The following ABTB2 variants were observed in gnomAD, a reference collection of about 807,000 sequenced individuals.
ABTB2 encodes the protein ankyrin repeat and BTB domain containing 2, also known as ankyrin repeat and BTB/POZ domain-containing protein 2.
A neutral mutation model predicts 104.1 loss-of-function variants in ABTB2; 56 were observed. The observed-to-expected ratio is 0.54, with a 90% CI of 0.43 to 0.67. The LOEUF (loss-of-function observed/expected upper bound fraction) is 0.67. Among genes scored for constraint, ABTB2 ranks in the 30% least tolerant of loss-of-function variants. The probability of loss-of-function intolerance (pLI) is 0.00; values close to 1 mark genes in which losing one functional copy is unlikely to be tolerated. For missense variants in ABTB2, 1,279 were observed against 1,407.7 expected, an observed-to-expected ratio of 0.91 and a Z score of 1.46; for synonymous variants, 606 against 608.2, an observed-to-expected ratio of 1.00 and a Z score of 0.05.
intron 1 of ABTB2, among the ~76,000 whole-genome samples, chr11:34,353,151 C>T (rs1855419938): frequency 6.6e-6 from 1 of 152,208 alleles, no homozygotes; most frequent in Admixed American, 6.5e-5. Context: ...TGCATGTTAC[C>T]ACTAGGATAG....
rs891797715 is a variant in ABTB2 at position 34,335,761 on chromosome 11, C to A, written c.883+20940G>T. On this transcript the variant is annotated intron_variant, in intron 1 of 16. Transcript: ENST00000435224. ...CTGTGAAGCAGTCCCATTGAGGTGA[C>A]AATCAAAACCTATGATCCCAGGAAG... 1.7e-5 allele frequency: 23 copies of A among 1,385,790 alleles called. No individual in the cohort carries two copies. In the South Asian group the frequency reaches 2.6e-4, roughly 15 times the overall value. 85.8% of individuals were successfully genotyped at this position (1,385,790 alleles called of 1,614,324 possible).
intron 1 of ABTB2, among the ~76,000 whole-genome samples, chr11:34,246,176 A>G (rs1853981164): frequency 6.6e-6 from 1 of 152,222 alleles, no homozygotes; most frequent in African/African-American, 2.4e-5. Context: ...TGCTGAACAA[A>G]AAAGTAACAA....
intron 1 of ABTB2, among the ~76,000 whole-genome samples, chr11:34,303,466 C>T (rs1854732083): frequency 6.6e-6 from 1 of 152,160 alleles, no homozygotes; most frequent in African/African-American, 2.4e-5. Flanking sequence ...GTAGAGGTTT[C>T]CACCCACAGG....
chr11:34,311,797 C>G (rs961764602), intron 1 of ABTB2, among the ~76,000 whole-genome samples: 20 of 152,156 alleles, frequency 1.3e-4, no homozygotes, highest in African/African-American at 4.8e-4. Flanking sequence ...AGTGAGCAAT[C>G]AACTACTACT....
At chr11:34,287,869 C>T (rs1214705416) in intron 1 of ABTB2, among the ~76,000 whole-genome samples, 1 of 152,050 alleles carries the variant, frequency 6.6e-6, no homozygotes, top group Non-Finnish European at 1.5e-5. Context: ...GTCTCCACTC[C>T]CCCAGAAAAG....
At chr11:34,338,470 G>T (rs1855220067) in intron 1 of ABTB2, among the ~76,000 whole-genome samples, 1 of 151,548 alleles carries the variant, frequency 6.6e-6, no homozygotes, top group Non-Finnish European at 1.5e-5. Flanking sequence ...GTCGAGGTGG[G>T]TAGATCACTT....
At chr11:34,262,786 C>T (rs530800898) in intron 1 of ABTB2, among the ~76,000 whole-genome samples, 261 of 152,326 alleles carry the variant, frequency 1.7e-3, no homozygotes, top group African/African-American at 6.0e-3. Context: ...CAGGTCAACA[C>T]CATCCTACTT....
At chr11:34,313,831 G>A (rs2133106635) in intron 1 of ABTB2, among the ~76,000 whole-genome samples, 1 of 152,304 alleles carries the variant, frequency 6.6e-6, no homozygotes. Flanking sequence ...ATTATTACTA[G>A]TATTTCTTAC....
In ABTB2 at chr11:34,274,191, T is replaced by C. The variant is rs1388631150; in HGVS notation, c.884-69501A>G. Among the ~76,000 whole-genome samples the C allele has an allele frequency of 4.6e-5, 6 of 130,538 alleles. No homozygotes were observed. In the South Asian group the frequency reaches 1.4e-3, roughly 31 times the overall value. 85.6% of individuals were successfully genotyped at this position (130,538 alleles called of 152,430 possible). On this transcript the variant is annotated intron_variant, in intron 1 of 16. Coordinates refer to ENST00000435224, the MANE Select transcript of ABTB2 (RefSeq NM_145804.3). ...AAAAAAAAAAAAAAAAAAAAAAAGA[T>C]ATTTAACTATGATAACAGCTACCAG...
chr11:34,334,200 C>T (rs1446768704), intron 1 of ABTB2, among the ~76,000 whole-genome samples: 1 of 152,146 alleles, frequency 6.6e-6, no homozygotes, highest in Non-Finnish European at 1.5e-5. Context: ...AAAGCCTTTA[C>T]ATCTGGCACA....
Position 34,229,211 on chromosome 11 carries a change from G to A in ABTB2, c.884-24521C>T, listed in dbSNP as rs546227053. On this transcript the variant is annotated intron_variant, in intron 1 of 16. Transcript: ENST00000435224. ...AGAATTATTTATTCTGGCCGGGTGC[G>A]GTGGCTCACGCCTGTAATCGCAGCA... Among the ~76,000 whole-genome samples, 35 of 151,690 alleles carry A rather than the reference G, an allele frequency of 2.3e-4. No individual in the cohort carries two copies. The East Asian group carries it at 3.3e-3, about 14-fold the overall frequency.
rs1237473044 is a variant in ABTB2, at chr11:34,171,001, G to C, written c.1468C>G (p.Leu490Val). 1 of 1,614,102 alleles carries C rather than the reference G, an allele frequency of 6.2e-7. No individual in the cohort carries two copies. Among genetic ancestry groups the C allele is most frequent in the African/African-American group, 1.3e-5 (1 of 74,930 alleles). Residue 490 changes from leucine (L) to valine (V), a missense_variant, in exon 5 of 17, where the codon CTG (leucine) becomes GTG (valine). Leu to Val is a conservative substitution (Grantham distance 32). Transcript: ENST00000435224. ...RAATEKFNQD[L>V]GFRMLNCGRT... ...CCACAGTTGAGCATGCGGAAACCCAGGTCCTGGTTGAATTTTTCAGTAGCT... is the reference window on the plus strand; with the variant it reads ...CCACAGTTGAGCATGCGGAAACCCACGTCCTGGTTGAATTTTTCAGTAGCT...
chr11:34,174,188 G>T (rs1016753739), intron 3 of ABTB2, among the ~76,000 whole-genome samples: 3 of 152,124 alleles, frequency 2.0e-5, no homozygotes, highest in Admixed American at 2.0e-4. Context: ...AGCCGGGCTT[G>T]GTGGCGGGCG....
In ABTB2 at chr11:34,162,737, A is replaced by T; in HGVS notation, c.2057T>A (p.Ile686Asn). The change falls in exon 10 of 17, where the codon ATC becomes AAC. Residue 686 changes from isoleucine to asparagine, a missense_variant. Ile to Asn is a moderately radical substitution (Grantham distance 149). Transcript: ENST00000435224. ...ACTTTCCTCCACACCCTCGGCCAGG[A>T]TCTCCTCCAGGGACAGCACGTCCGC... ...AKADVLSLEE[I>N]LAEGVEESDA... 1 of 1,611,198 alleles carries T rather than the reference A, an allele frequency of 6.2e-7. No homozygotes were observed. The highest frequency in any genetic ancestry group is 8.5e-7 in the Non-Finnish European group (1 of 1,179,994).
intron 1 of ABTB2, among the ~76,000 whole-genome samples, chr11:34,206,759 G>A (rs2746633): frequency 0.19 from 29,338 of 152,050 alleles, 3,006 homozygotes; most frequent in East Asian, 0.39. Context: ...TTCTCTGACC[G>A]TTCTGCAGGT....
chr11:34,152,266 TGGG>T lies in ABTB2; in HGVS notation c.*118_*120del. ...GCTGCCCGGTGACAGGGGGGACATC[TGGG>T]GGAGGAGGAGGAAACAGCCCCGTGA... On this transcript the variant is annotated 3_prime_UTR_variant, in exon 17 of 17. Transcript: ENST00000435224. The T allele has an allele frequency of 8.9e-7, 1 of 1,119,242 alleles. No homozygotes were observed. Among genetic ancestry groups the T allele is most frequent in the Non-Finnish European group, 1.3e-6 (1 of 798,790 alleles). 69.3% of individuals were successfully genotyped at this position (1,119,242 alleles called of 1,614,324 possible).
At chr11:34,166,711 A>G (rs944147499) in intron 7 of ABTB2, among the ~76,000 whole-genome samples, 1 of 152,202 alleles carries the variant, frequency 6.6e-6, no homozygotes, top group Admixed American at 6.5e-5. Context: ...TGCTCTGCCC[A>G]CAGCTTCTGC....
chr11:34,200,232 A>G (rs2071685384), intron 2 of ABTB2, among the ~76,000 whole-genome samples: 1 of 152,246 alleles, frequency 6.6e-6, no homozygotes. Flanking sequence ...ACCTTGTTGA[A>G]ATAACATTTC....
At chr11:34,335,677 T>A in intron 1 of ABTB2, 1 of 1,409,424 alleles carries the variant, frequency 7.1e-7, no homozygotes, top group Non-Finnish European at 1.0e-6. Context: ...CTTGTGTCTT[T>A]CACTTGATAA....
Sources: allele counts gnomAD v4.1 joint callset (sites outside exome capture counted in the v4.1 genomes callset), GRCh38; gene constraint gnomAD v4.1.1; transcripts MANE v1.5; gene names NCBI Gene and HGNC (gene_info 2026-07-23, HGNC 2026-07-21).